The following CRYBG1 variants were observed in gnomAD, a reference collection of about 807,000 sequenced individuals.
The protein encoded by CRYBG1 is beta/gamma crystallin domain-containing protein 1.
CRYBG1 carries 139 observed loss-of-function variants against 189.2 expected under a neutral mutation model. The ratio of observed to expected loss-of-function variants is 0.73; its 90% CI spans 0.64 to 0.85. The LOEUF (loss-of-function observed/expected upper bound fraction) is 0.85, where lower values mean the gene tolerates loss of function less well. Ranked by LOEUF, CRYBG1 falls within the 40% of genes least tolerant of loss-of-function variation. The probability of loss-of-function intolerance (pLI) is 0.00; values close to 1 mark genes in which losing one functional copy is unlikely to be tolerated. For missense variants in CRYBG1, 2,611 were observed against 2,675.8 expected (o/e 0.98, Z 0.53); for synonymous variants, 1,023 against 1,017.1 (o/e 1.01, Z -0.11).
At chr6:106,452,306 C>A (rs567187758) in intron 2 of CRYBG1, among the ~76,000 whole-genome samples, 51 of 150,158 alleles carry the variant, frequency 3.4e-4, no homozygotes, top group African/African-American at 1.1e-3. Flanking sequence ...ACCTGTAATC[C>A]CATGTATTCA....
At chr6:106,509,645 T>TG (rs1163220368) in intron 2 of CRYBG1, among the ~76,000 whole-genome samples, 2 of 151,556 alleles carry the variant, frequency 1.3e-5, no homozygotes, top group Non-Finnish European at 2.9e-5. Context: ...GAGCTGACTC[T>TG]GGGGGGTGGG....
At chr6:106,471,809 A>AG (rs1266215286) in intron 2 of CRYBG1, among the ~76,000 whole-genome samples, 1 of 148,730 alleles carries the variant, frequency 6.7e-6, no homozygotes, top group Non-Finnish European at 1.5e-5. Flanking sequence ...CAGTTAAAAA[A>AG]AAAAAAAGAA....
chr6:106,483,798 T>C (rs935046235), intron 2 of CRYBG1, among the ~76,000 whole-genome samples: 1 of 152,234 alleles, frequency 6.6e-6, no homozygotes, highest in Admixed American at 6.5e-5. Context: ...ATAAACCTGT[T>C]GGCCATTTGT....
chr6:106,462,814 A>G (rs986588706), intron 2 of CRYBG1, among the ~76,000 whole-genome samples: 2 of 152,192 alleles, frequency 1.3e-5, no homozygotes, highest in Non-Finnish European at 2.9e-5. Flanking sequence ...GTGGCGAATC[A>G]AGATCTTAAC....
At chr6:106,394,892 A>G (rs1196660343) in intron 1 of CRYBG1, among the ~76,000 whole-genome samples, 2 of 145,192 alleles carry the variant, frequency 1.4e-5, no homozygotes, top group Admixed American at 7.1e-5. Flanking sequence ...GTCTTGTTCT[A>G]TCACCCAGGC....
At chr6:106,442,387 C>G (rs939882919) in intron 1 of CRYBG1, among the ~76,000 whole-genome samples, 1 of 152,138 alleles carries the variant, frequency 6.6e-6, no homozygotes, top group African/African-American at 2.4e-5. Context: ...CTAATTGTTG[C>G]TGGCATGAGT....
chr6:106,502,003 C>T (rs959391303), intron 2 of CRYBG1, among the ~76,000 whole-genome samples: 9 of 152,320 alleles, frequency 5.9e-5, no homozygotes, highest in African/African-American at 1.9e-4. Flanking sequence ...GTCTGTTCCT[C>T]TTCTCCAGCT....
At chr6:106,540,894 T>C (rs1218310126) in intron 9 of CRYBG1, among the ~76,000 whole-genome samples, 2 of 152,220 alleles carry the variant, frequency 1.3e-5, no homozygotes. Context: ...CAATATCTTT[T>C]TAATGTAATA....
chr6:106,552,243 TA>T, intron 15 of CRYBG1, 27 bp downstream of exon 15: 1 of 1,419,698 alleles, frequency 7.0e-7, no homozygotes, highest in Non-Finnish European at 9.6e-7. Flanking sequence ...TCTTTTATAT[TA>T]ATATATAAAG....
In CRYBG1 at chr6:106,533,700, C is replaced by A. The variant is rs375161404; in HGVS notation, c.4718+3385C>A. Among the ~76,000 whole-genome samples the A allele has an allele frequency of 2.0e-5, 3 of 152,078 alleles. No homozygotes were observed. In the South Asian group the frequency reaches 6.2e-4, roughly 31 times the overall value. ...GCCAAGACATGCCCAGGGTTTGGAA[C>A]CCCAACATTTATTGAGACGAAAAAG... On this transcript the variant is annotated intron_variant, in intron 8 of 21. Transcript: ENST00000633556.
chr6:106,472,715 C>T (rs560323530), intron 2 of CRYBG1, among the ~76,000 whole-genome samples: 10 of 148,440 alleles, frequency 6.7e-5, no homozygotes, highest in East Asian at 4.0e-4. Flanking sequence ...GCCAACAAGG[C>T]GAAACTTCAT....
chr6:106,459,053 A>G (rs767415074), intron 2 of CRYBG1, among the ~76,000 whole-genome samples: 1 of 152,222 alleles, frequency 6.6e-6, no homozygotes, highest in Non-Finnish European at 1.5e-5. Context: ...TATTGTATGA[A>G]AAAGATTGGT....
chr6:106,387,184 TA>T (rs1265395830), intron 1 of CRYBG1, among the ~76,000 whole-genome samples: 1 of 152,192 alleles, frequency 6.6e-6, no homozygotes, highest in African/African-American at 2.4e-5. Flanking sequence ...ATGTGCAAAT[TA>T]ATAAAATATC....
At chr6:106,400,518 G>C (rs996709196) in intron 1 of CRYBG1, among the ~76,000 whole-genome samples, 7 of 152,138 alleles carry the variant, frequency 4.6e-5, no homozygotes, top group Non-Finnish European at 1.0e-4. Context: ...TCAGAGACTA[G>C]GCAGAAAATT....
chr6:106,497,809 G>A (rs1362186514), intron 2 of CRYBG1, among the ~76,000 whole-genome samples: 1 of 152,216 alleles, frequency 6.6e-6, no homozygotes, highest in African/African-American at 2.4e-5. Flanking sequence ...TGTCAGCTGA[G>A]GCTGGGCGCA....
At chr6:106,399,658 C>CTT (rs34726734) in intron 1 of CRYBG1, among the ~76,000 whole-genome samples, 7,348 of 140,234 alleles carry the variant, frequency 0.052, 594 homozygotes, top group African/African-American at 0.17. Context: ...GTTTTTCTTT[C>CTT]TTTTTTTTTT....
intron 7 of CRYBG1, among the ~76,000 whole-genome samples, chr6:106,529,257 A>C (rs1249981090): frequency 1.3e-5 from 2 of 151,874 alleles, no homozygotes; most frequent in South Asian, 2.1e-4. Flanking sequence ...GTAATTTATA[A>C]TTTTCTAATT....
At chr6:106,463,778 T>C (rs1270210499) in intron 2 of CRYBG1, among the ~76,000 whole-genome samples, 1 of 152,226 alleles carries the variant, frequency 6.6e-6, no homozygotes, top group Non-Finnish European at 1.5e-5. Context: ...CTGATTTTAC[T>C]CTCATTTTCT....
intron 3 of CRYBG1, among the ~76,000 whole-genome samples, chr6:106,515,757 AT>A: frequency 2.0e-5 from 1 of 50,178 alleles, no homozygotes; most frequent in African/African-American, 6.8e-5. Context: ...CAGAGATCAA[AT>A]TTATTTATTT....
Sources: allele counts gnomAD v4.1 joint callset (sites outside exome capture counted in the v4.1 genomes callset), GRCh38; gene constraint gnomAD v4.1.1; transcripts MANE v1.5; gene names NCBI Gene and HGNC (gene_info 2026-07-23, HGNC 2026-07-21).